Variants in GNA13 observed in about 807,000 individuals in gnomAD.
GNA13 encodes G protein subunit alpha 13.
A neutral mutation model predicts 33.5 loss-of-function variants in GNA13; 4 were observed. The ratio of observed to expected loss-of-function variants is 0.12; its 90% CI spans 0.06 to 0.27. GNA13 has a LOEUF of 0.27. Among genes scored for constraint, GNA13 ranks in the 10% least tolerant of loss-of-function variants. The pLI, the probability that GNA13 is intolerant of heterozygous loss-of-function variation, is 1.00. For synonymous variants in GNA13, 176 were observed against 183.8 expected (o/e 0.96, Z 0.34); for missense variants, 319 against 487.2 (o/e 0.65, Z 3.25).
At position 65,010,533 on chromosome 17, in the gene GNA13, T is replaced by C. The variant is rs903092690; in HGVS notation, c.*3724A>G. Among the ~76,000 whole-genome samples, 1 of 152,056 alleles carries C rather than the reference T, an allele frequency of 6.6e-6. No individual in the cohort carries two copies. The highest frequency in any genetic ancestry group is 2.4e-5 in the African/African-American group (1 of 41,364). On this transcript the variant is annotated 3_prime_UTR_variant, in exon 4 of 4. Transcript: ENST00000439174. ...ACAAAACAAAACAAAACAGTGCTTT[T>C]AGTCAAGCAGCACAACACAAGGACA...
rs767330120 is a variant in GNA13, at chr17:65,056,441, G to T, written c.153C>A (p.Ile51=). 6.2e-7 allele frequency: 1 copy of T among 1,613,722 alleles called. No individual in the cohort carries two copies. Among genetic ancestry groups the T allele is most frequent in the Non-Finnish European group, 8.5e-7 (1 of 1,179,874 alleles). The change falls in exon 1 of 4, where the codon ATC becomes ATA. Residue 51 remains isoleucine (I), a synonymous_variant. Coordinates refer to ENST00000439174, the MANE Select transcript of GNA13 (RefSeq NM_006572.6). ...CGCTCTCGCCCGCGCCCAGCAGCAG[G>T]ATCTTCACCAGCCGCTTCACATAGG... ...EKTYVKRLVK[I]LLLGAGESGK...
intron 2 of GNA13, among the ~76,000 whole-genome samples, chr17:65,034,132 A>G (rs1907159365): frequency 6.6e-6 from 1 of 152,022 alleles, no homozygotes. Flanking sequence ...GACCAATGTA[A>G]GACAGTCTAT....
At position 65,056,707 on chromosome 17, in the gene GNA13, G is replaced by C. The variant is rs553871614; in HGVS notation, c.-114C>G. ...AGGGCGGGGAGCGCGGCGGCGGCCC[G>C]AGCGCGCCCAGGGAGGGAGGGAACC... is the stretch of plus-strand genomic sequence containing the variant. On this transcript the variant is annotated 5_prime_UTR_variant, in exon 1 of 4. Transcript: ENST00000439174. The C allele has an allele frequency of 3.0e-6, 2 of 672,500 alleles. No individual in the cohort carries two copies. Among genetic ancestry groups the C allele is most frequent in the East Asian group, 3.9e-5 (1 of 25,802 alleles). The allele number at this position is 672,500 out of a possible 1,614,324, so 41.7% of individuals were successfully genotyped here.
chr17:65,049,010 C>T (rs879595929), intron 2 of GNA13, among the ~76,000 whole-genome samples: 14 of 152,100 alleles, frequency 9.2e-5, no homozygotes, highest in Non-Finnish European at 1.6e-4. Context: ...TATAATTACA[C>T]AAGAACTGTC....
chr17:65,037,437 T>C (rs1907288266), intron 2 of GNA13, among the ~76,000 whole-genome samples: 1 of 152,152 alleles, frequency 6.6e-6, no homozygotes, highest in Non-Finnish European at 1.5e-5. Flanking sequence ...TATCCAACTT[T>C]CCTGTGCCAA....
At chr17:65,047,491 CA>C (rs796207852) in intron 2 of GNA13, among the ~76,000 whole-genome samples, 1 of 152,092 alleles carries the variant, frequency 6.6e-6, no homozygotes, top group Non-Finnish European at 1.5e-5. Flanking sequence ...ATCCTAGAAT[CA>C]AAAGATAACC....
intron 2 of GNA13, among the ~76,000 whole-genome samples, chr17:65,021,045 T>A (rs1256851952): frequency 1.3e-5 from 2 of 152,238 alleles, no homozygotes; most frequent in African/African-American, 4.8e-5. Flanking sequence ...AGCTCTTTTT[T>A]CTCTGTTCAG....
At chr17:65,018,124 A>AGAG in intron 3 of GNA13, 129 bp downstream of exon 3, 1 of 216,006 alleles carries the variant, frequency 4.6e-6, no homozygotes, top group Non-Finnish European at 8.8e-6. Flanking sequence ...AAAAAAAAAA[A>AGAG]AAAAAAAAAA....
chr17:65,025,979 G>A (rs1053025668), intron 2 of GNA13, among the ~76,000 whole-genome samples: 7 of 151,662 alleles, frequency 4.6e-5, no homozygotes, highest in Non-Finnish European at 7.4e-5. Context: ...TGGTAAACAG[G>A]TAAAAAAACT....
At chr17:65,048,886 T>C (rs1907763502) in intron 2 of GNA13, among the ~76,000 whole-genome samples, 1 of 152,224 alleles carries the variant, frequency 6.6e-6, no homozygotes, top group African/African-American at 2.4e-5. Context: ...ATTTTAATTT[T>C]AGTTATTTTA....
chr17:65,044,873 T>C (rs1297807913), intron 2 of GNA13, among the ~76,000 whole-genome samples: 1 of 151,576 alleles, frequency 6.6e-6, no homozygotes, highest in Non-Finnish European at 1.5e-5. Context: ...TGAAACCCTG[T>C]CTCTACTAAA....
intron 2 of GNA13, among the ~76,000 whole-genome samples, chr17:65,021,115 C>T (rs1020766046): frequency 6.6e-6 from 1 of 152,144 alleles, no homozygotes; most frequent in Non-Finnish European, 1.5e-5. Context: ...AGTAGCATGG[C>T]ACTCTGAAAA....
chr17:65,027,314 CTT>C (rs11393360), intron 2 of GNA13, among the ~76,000 whole-genome samples: 1 of 136,846 alleles, frequency 7.3e-6, no homozygotes, highest in Non-Finnish European at 1.5e-5. Context: ...CCTCCCCCGC[CTT>C]TTTTTTTTTT....
intron 2 of GNA13, among the ~76,000 whole-genome samples, chr17:65,028,456 GA>G (rs35774973): frequency 4.4e-4 from 63 of 143,966 alleles, no homozygotes; most frequent in Admixed American, 1.7e-3. Context: ...GAAGAAAGTG[GA>G]AAAAAAAAAC....
intron 2 of GNA13, among the ~76,000 whole-genome samples, chr17:65,021,845 AAAGC>A (rs2143779127): frequency 6.6e-6 from 1 of 152,382 alleles, no homozygotes; most frequent in Non-Finnish European, 1.5e-5. Context: ...TTTCTAATAA[AAAGC>A]AAGGTAAACA....
chr17:65,035,258 A>G (rs1425095847), intron 2 of GNA13, among the ~76,000 whole-genome samples: 3 of 152,206 alleles, frequency 2.0e-5, no homozygotes. Context: ...ATACATATAT[A>G]GCGGGAAGAA....
At chr17:65,033,296 G>A (rs913154005) in intron 2 of GNA13, among the ~76,000 whole-genome samples, 14 of 151,138 alleles carry the variant, frequency 9.3e-5, no homozygotes, top group African/African-American at 3.2e-4. Flanking sequence ...ACCAGCCTGG[G>A]CAACAAAGCA....
intron 2 of GNA13, among the ~76,000 whole-genome samples, chr17:65,033,667 G>C (rs886674379): frequency 4.6e-5 from 7 of 151,806 alleles, no homozygotes; most frequent in African/African-American, 1.7e-4. Context: ...CAGACTCCAA[G>C]TGAATACACA....
chr17:65,018,092 T>TAAAAAAAAAAAA lies in GNA13; in HGVS notation c.561+149_561+160dup, dbSNP rs767082596. ...CAGAGAAGAATCAGAACGCCACCAC[T>TAAAAAAAAAAAA]AAAAAAAAAAAAAAAAAAAAAAAAA... is the stretch of plus-strand genomic sequence containing the variant. On this transcript the variant is annotated intron_variant, in intron 3 of 3. Transcript: ENST00000439174. 2.3e-4 allele frequency among the ~76,000 whole-genome samples: 5 copies of TAAAAAAAAAAAA among 21,472 alleles called. 1 individual carries two copies. The highest frequency in any genetic ancestry group is 7.0e-4 in the African/African-American group (5 of 7,176). 14.1% of individuals were successfully genotyped at this position (21,472 alleles called of 152,430 possible).
Sources: gnomAD v4.1 joint callset for allele counts (sites outside exome capture counted in the v4.1 genomes callset) on GRCh38, gnomAD v4.1.1 for gene constraint, MANE v1.5 for transcripts, NCBI Gene and HGNC (gene_info 2026-07-23, HGNC 2026-07-21) for gene names.